RHOU: variants seen among roughly 807,000 people sequenced by gnomAD.
RHOU encodes the protein ras homolog family member U.
RHOU carries 8 observed loss-of-function variants against 12.6 expected under a neutral mutation model. That is an observed-to-expected ratio of 0.64 (90% CI 0.37 to 1.15). RHOU has a LOEUF of 1.15. Among genes scored for constraint, RHOU ranks in the 50% most tolerant of loss-of-function variants. The pLI is 0.01. For synonymous variants in RHOU, 161 were observed against 147.4 expected (o/e 1.09, Z -0.67); for missense variants, 258 against 347.0 (o/e 0.74, Z 2.04).
chr1:228,732,898 A>G (rs1174908199), upstream of RHOU, among the ~76,000 whole-genome samples: 2 of 152,244 alleles, frequency 1.3e-5, no homozygotes. Flanking sequence ...ATGCATCACA[A>G]TAAGTTACAA....
the RHOU span, among the ~76,000 whole-genome samples, chr1:228,656,251 T>C: frequency 6.6e-6 from 1 of 152,282 alleles, no homozygotes; most frequent in East Asian, 1.9e-4. Flanking sequence ...CCTCCTGGCC[T>C]CAAGCAGTCC....
At chr1:228,707,701 A>T in the RHOU span, among the ~76,000 whole-genome samples, 1 of 152,200 alleles carries the variant, frequency 6.6e-6, no homozygotes, top group South Asian at 2.1e-4. Flanking sequence ...AACCACAAAG[A>T]TGGAGAAAAA....
At chr1:228,673,680 C>T in the RHOU span, among the ~76,000 whole-genome samples, 3 of 152,156 alleles carry the variant, frequency 2.0e-5, no homozygotes, top group East Asian at 1.9e-4. Flanking sequence ...TTTCACCTTC[C>T]GCCATAATGT....
the RHOU span, among the ~76,000 whole-genome samples, chr1:228,723,243 A>C: frequency 6.6e-6 from 1 of 152,210 alleles, no homozygotes; most frequent in African/African-American, 2.4e-5. Context: ...TTTAATAGGC[A>C]AGAAAGAAGG....
intron 2 of RHOU, among the ~76,000 whole-genome samples, chr1:228,740,134 G>A (rs1662691527): frequency 1.3e-5 from 2 of 152,180 alleles, no homozygotes; most frequent in Non-Finnish European, 2.9e-5. Context: ...TCAAGGAAGA[G>A]TTAAATTGTT....
chr1:228,705,490 G>A, the RHOU span, among the ~76,000 whole-genome samples: 1 of 152,060 alleles, frequency 6.6e-6, no homozygotes, highest in Non-Finnish European at 1.5e-5. Flanking sequence ...CCCCTTGATT[G>A]ACTTAGCTAA....
In RHOU at chr1:228,743,429, A is replaced by T. The variant is rs201941054; in HGVS notation, c.466A>T (p.Ile156Phe). The T allele has an allele frequency of 1.9e-6, 3 of 1,614,190 alleles. No individual in the cohort carries two copies. The highest frequency in any genetic ancestry group is 2.2e-5 in the East Asian group (1 of 44,882). The change falls in exon 3 of 3, where the codon ATC becomes TTC. Residue 156 changes from isoleucine (I) to phenylalanine (F), a missense_variant. Physicochemically the swap from Ile to Phe is conservative, Grantham distance 21. Transcript: ENST00000366691. This position sits in a 1 kb window ranked among gnomAD's most constrained non-coding sequence, Gnocchi z 5.1. ...EIRCHCPKAP[I>F]ILVGTQSDLR... ...TCGATGCCACTGTCCCAAAGCCCCC[A>T]TCATCCTAGTTGGAACGCAGTCGGA...
the RHOU span, among the ~76,000 whole-genome samples, chr1:228,719,145 T>A: frequency 6.6e-6 from 1 of 152,194 alleles, no homozygotes; most frequent in African/African-American, 2.4e-5. Context: ...ACAGTTCAGA[T>A]CAAGTGAGAC....
At chr1:228,674,142 C>T in the RHOU span, among the ~76,000 whole-genome samples, 1 of 152,178 alleles carries the variant, frequency 6.6e-6, no homozygotes, top group Non-Finnish European at 1.5e-5. Flanking sequence ...CCTTTTCATG[C>T]ATGCATTGGC....
the RHOU span, among the ~76,000 whole-genome samples, chr1:228,683,188 A>G: frequency 6.6e-6 from 1 of 151,706 alleles, no homozygotes; most frequent in Non-Finnish European, 1.5e-5. Context: ...GAGTCACTGA[A>G]AACCCCATAG....
Position 228,743,217 on chromosome 1 carries a change from T to G in RHOU, c.322-68T>G. On this transcript the variant is annotated intron_variant, in intron 2 of 2. Transcript: ENST00000366691. This position sits in a 1 kb window ranked among gnomAD's most constrained non-coding sequence, Gnocchi z 5.1. Reference sequence around the variant, plus strand: ...CTGCCAGACCCTTTCATGAAAAATGTGAAGGTGATCTTTTTACTGATGAGA... The same window carrying G: ...CTGCCAGACCCTTTCATGAAAAATGGGAAGGTGATCTTTTTACTGATGAGA... The G allele has an allele frequency of 7.2e-7, 1 of 1,393,070 alleles. No individual in the cohort carries two copies. Among genetic ancestry groups the G allele is most frequent in the Non-Finnish European group, 1.0e-6 (1 of 990,254 alleles). 86.3% of individuals were successfully genotyped at this position (1,393,070 alleles called of 1,614,324 possible). A position where few individuals can be genotyped will look rare whatever the true frequency, so the allele number is the denominator to read the frequency against.
the RHOU span, among the ~76,000 whole-genome samples, chr1:228,706,188 C>T: frequency 6.6e-6 from 1 of 152,210 alleles, no homozygotes; most frequent in Admixed American, 6.5e-5. Context: ...CAGGGGGTTA[C>T]TTTACTTGGT....
the RHOU span, chr1:228,651,047 A>G: frequency 7.4e-6 from 2 of 269,404 alleles, no homozygotes; most frequent in Admixed American, 4.5e-5. Context: ...CACCATCTGC[A>G]TGGCTTCCCT....
chr1:228,658,421 C>T, the RHOU span, among the ~76,000 whole-genome samples: 1 of 152,134 alleles, frequency 6.6e-6, no homozygotes, highest in Admixed American at 6.5e-5. Flanking sequence ...CTCCTGTCTC[C>T]TCCACGTGGG....
the RHOU span, among the ~76,000 whole-genome samples, chr1:228,716,113 T>A: frequency 6.6e-6 from 1 of 152,200 alleles, no homozygotes; most frequent in East Asian, 1.9e-4. Flanking sequence ...TATAGGGGCC[T>A]TGCTTTGTTG....
the RHOU span, among the ~76,000 whole-genome samples, chr1:228,717,392 G>C: frequency 6.6e-6 from 1 of 152,132 alleles, no homozygotes; most frequent in Non-Finnish European, 1.5e-5. Context: ...GAACTGAAAT[G>C]ACCTCTCATC....
At chr1:228,728,285 C>T in the RHOU span, among the ~76,000 whole-genome samples, 1 of 152,210 alleles carries the variant, frequency 6.6e-6, no homozygotes, top group Admixed American at 6.5e-5. Flanking sequence ...AATCTACCTG[C>T]CATCCCTCTA....
the RHOU span, among the ~76,000 whole-genome samples, chr1:228,662,113 A>G: frequency 2.0e-5 from 3 of 152,384 alleles, no homozygotes; most frequent in South Asian, 2.1e-4. Flanking sequence ...AGAAATGCAA[A>G]TCAAAACCAC....
the RHOU span, chr1:228,650,241 G>A: frequency 2.5e-4 from 113 of 457,804 alleles, 1 homozygote; most frequent in South Asian, 1.5e-3. Context: ...TGTGGAGTAC[G>A]TGGCGCTGGG....
Sources: allele counts gnomAD v4.1 joint callset (sites outside exome capture counted in the v4.1 genomes callset), GRCh38; gene constraint gnomAD v4.1.1; non-coding constraint Gnocchi (gnomAD v3.1); transcripts MANE v1.5; gene names NCBI Gene and HGNC (gene_info 2026-07-23, HGNC 2026-07-21).